Variants in NFAT5 observed in about 807,000 individuals in gnomAD.
The protein encoded by NFAT5 is nuclear factor of activated T cells 5.
In NFAT5, 31 loss-of-function variants were observed where a neutral mutation model predicts 166.5. That is an observed-to-expected ratio of 0.19 (90% CI 0.14 to 0.25). The LOEUF is 0.25. Among genes scored for constraint, NFAT5 ranks in the 10% least tolerant of loss-of-function variants. The probability of loss-of-function intolerance (pLI) is 1.00; values close to 1 mark genes in which losing one functional copy is unlikely to be tolerated. For synonymous variants in NFAT5, 612 were observed against 639.7 expected (o/e 0.96, Z 0.65); for missense variants, 1,449 against 1,821.8 (o/e 0.80, Z 3.72).
intron 6 of NFAT5, among the ~76,000 whole-genome samples, chr16:69,658,559 T>C (rs1005186436): frequency 1.3e-5 from 2 of 151,672 alleles, no homozygotes; most frequent in African/African-American, 4.8e-5. Context: ...ACTTGTGGCC[T>C]GGCACAGTGG....
intron 3 of NFAT5, among the ~76,000 whole-genome samples, chr16:69,633,289 T>C (rs2034800898): frequency 6.6e-6 from 1 of 152,234 alleles, no homozygotes; most frequent in Non-Finnish European, 1.5e-5. Context: ...TCACAGATTC[T>C]CATTCATAAG....
chr16:69,703,497 G>A lies in NFAT5; in HGVS notation c.*7146G>A, dbSNP rs2037932666. On this transcript the variant is annotated 3_prime_UTR_variant, in exon 15 of 15. Transcript: ENST00000349945. Reference sequence around the variant, plus strand: ...ATTCATTTCATTTTAATCTCCTTGTGTAATTCAGTACCTCCATAATTGTTC... The same window carrying A: ...ATTCATTTCATTTTAATCTCCTTGTATAATTCAGTACCTCCATAATTGTTC... 1 of 152,544 alleles carries A rather than the reference G, an allele frequency of 6.6e-6. No homozygotes were observed. The highest frequency in any genetic ancestry group is 1.5e-5 in the Non-Finnish European group (1 of 68,012). 9.4% of individuals were successfully genotyped at this position (152,544 alleles called of 1,614,324 possible). A position where few individuals can be genotyped will look rare whatever the true frequency, so the allele number is the denominator to read the frequency against.
rs138455813 is a variant in NFAT5 at position 69,575,080 on chromosome 16, G to A, written c.127+6532G>A. ...TTTCATTCAGGAAACACTGTGATTA[G>A]TCTTTTACTGAATTTGGTATTTAGT... On this transcript the variant is annotated intron_variant, in intron 2 of 14. Coordinates refer to ENST00000349945, the MANE Select transcript of NFAT5 (RefSeq NM_138713.4). 8.7e-3 allele frequency among the ~76,000 whole-genome samples: 1,332 copies of A among 152,280 alleles called. 19 individuals are homozygous for A. The highest frequency in any genetic ancestry group is 0.031 in the African/African-American group (1,276 of 41,546).
Position 69,688,299 on chromosome 16 carries a change from ATGAG to A in NFAT5, c.1775-2635_1775-2632del, listed in dbSNP as rs777251554. On this transcript the variant is annotated intron_variant, in intron 11 of 14. Transcript: ENST00000349945. Reference sequence around the variant, plus strand: ...TGAGACCCTGTCTCTAATTGAATGAATGAGTGAGTAAATGAATGAATGAATGAAT... The same window carrying A: ...TGAGACCCTGTCTCTAATTGAATGAATGAGTAAATGAATGAATGAATGAAT... 2.0e-5 allele frequency among the ~76,000 whole-genome samples: 3 copies of A among 151,526 alleles called. No homozygotes were observed. The East Asian group carries it at 5.8e-4, about 29-fold the overall frequency.
At chr16:69,585,705 G>T in intron 2 of NFAT5, among the ~76,000 whole-genome samples, 1 of 152,124 alleles carries the variant, frequency 6.6e-6, no homozygotes, top group Non-Finnish European at 1.5e-5. Context: ...GAAAACATAC[G>T]CAAAGTGAAA....
chr16:69,650,439 TC>T lies in NFAT5; in HGVS notation c.813-2796del, dbSNP rs1387998140. 6.6e-5 allele frequency among the ~76,000 whole-genome samples: 10 copies of T among 152,274 alleles called. No individual in the cohort carries two copies. In the East Asian group the frequency reaches 1.9e-3, roughly 29 times the overall value. ...GAAAAAAAAGATAGTTTTAAGAACTTCTAAAGTACCATTTTAGAAATTGCTT... is the reference window on the plus strand; with the variant it reads ...GAAAAAAAAGATAGTTTTAAGAACTTTAAAGTACCATTTTAGAAATTGCTT... On this transcript the variant is annotated intron_variant, in intron 4 of 14. Coordinates refer to ENST00000349945, the MANE Select transcript of NFAT5 (RefSeq NM_138713.4).
At chr16:69,621,020 A>G (rs956171023) in intron 2 of NFAT5, among the ~76,000 whole-genome samples, 1 of 152,216 alleles carries the variant, frequency 6.6e-6, no homozygotes, top group Non-Finnish European at 1.5e-5. Context: ...AATAACTTAT[A>G]AAGATTTTTA....
chr16:69,690,832 C>A, intron 11 of NFAT5, 108 bp from the exon 12 acceptor site: 2 of 891,592 alleles, frequency 2.2e-6, no homozygotes, highest in Non-Finnish European at 3.3e-6. Context: ...ACCATTGTAG[C>A]ATCAAAAAAA....
chr16:69,645,825 A>T (rs2035415595), intron 3 of NFAT5, among the ~76,000 whole-genome samples: 3 of 152,326 alleles, frequency 2.0e-5, no homozygotes, highest in Admixed American at 2.0e-4. Context: ...TGATATCTAA[A>T]ATGTTAGTCA....
chr16:69,577,149 G>A (rs2016805958), intron 2 of NFAT5, among the ~76,000 whole-genome samples: 1 of 152,066 alleles, frequency 6.6e-6, no homozygotes, highest in African/African-American at 2.4e-5. Context: ...TTTTCTCACG[G>A]TAGTCTATAC....
At chr16:69,588,250 G>T (rs896431058) in intron 2 of NFAT5, among the ~76,000 whole-genome samples, 12 of 152,078 alleles carry the variant, frequency 7.9e-5, no homozygotes, top group African/African-American at 2.4e-4. Context: ...GCACCTGGCC[G>T]CATGATTAGT....
chr16:69,605,290 A>G (rs1240939560), intron 2 of NFAT5, among the ~76,000 whole-genome samples: 1 of 152,132 alleles, frequency 6.6e-6, no homozygotes, highest in Non-Finnish European at 1.5e-5. Flanking sequence ...AAATACAAAA[A>G]TTAGCCAGGC....
At chr16:69,572,104 T>C (rs936611960) in intron 2 of NFAT5, among the ~76,000 whole-genome samples, 5 of 152,196 alleles carry the variant, frequency 3.3e-5, no homozygotes, top group African/African-American at 9.7e-5. Flanking sequence ...ATTCAAAATG[T>C]CTACTATTCA....
chr16:69,665,189 A>G (rs907561498), intron 7 of NFAT5, among the ~76,000 whole-genome samples: 2 of 152,098 alleles, frequency 1.3e-5, no homozygotes, highest in African/African-American at 2.4e-5. Context: ...TCTTGAATCT[A>G]TGACAAACCC....
intron 2 of NFAT5, among the ~76,000 whole-genome samples, chr16:69,611,777 A>G (rs2033713972): frequency 6.6e-6 from 1 of 152,224 alleles, no homozygotes; most frequent in East Asian, 1.9e-4. Flanking sequence ...ACACTATTAC[A>G]TTGGATGTTA....
intron 3 of NFAT5, among the ~76,000 whole-genome samples, chr16:69,627,773 CT>C (rs1428017447): frequency 6.6e-6 from 1 of 152,090 alleles, no homozygotes; most frequent in Non-Finnish European, 1.5e-5. Flanking sequence ...AATTAGTGAA[CT>C]TTTTAGTAAT....
chr16:69,629,921 C>T (rs1409398688), intron 3 of NFAT5, among the ~76,000 whole-genome samples: 1 of 151,086 alleles, frequency 6.6e-6, no homozygotes, highest in Non-Finnish European at 1.5e-5. Flanking sequence ...AGGCATATGC[C>T]ACCACATGGA....
chr16:69,653,575 ATT>A (rs61344735), intron 5 of NFAT5, 147 bp downstream of exon 5: 14,069 of 349,660 alleles, frequency 0.04, no homozygotes, highest in South Asian at 0.073. Flanking sequence ...TTTAGAAAGA[ATT>A]TTTTTTTTTT....
chr16:69,568,545 G>A lies in NFAT5; in HGVS notation c.124G>A (p.Glu42Lys), dbSNP rs746626565. 7.4e-6 allele frequency: 12 copies of A among 1,611,748 alleles called. No homozygotes were observed. In the Middle Eastern group the frequency reaches 4.9e-4, roughly 66 times the overall value. ...GAATTTTCATAGAGCTGGACTATTG[G>A]AAGGTCAGCAAAGTACCATTTTAAA... ...SQNFHRAGLL[E>K]ESVYDLLPKE... The change falls in exon 2 of 15, where the codon GAA (glutamate) becomes AAA (lysine). Residue 42 changes from glutamate to lysine, a missense_variant. By Grantham distance (56) the Glu-to-Lys change is moderately conservative. Coordinates refer to ENST00000349945, the MANE Select transcript of NFAT5 (RefSeq NM_138713.4).
Sources: allele counts gnomAD v4.1 joint callset (sites outside exome capture counted in the v4.1 genomes callset), GRCh38; gene constraint gnomAD v4.1.1; transcripts MANE v1.5; gene names NCBI Gene and HGNC (gene_info 2026-07-23, HGNC 2026-07-21).